The following USP8 variants were observed in gnomAD, a reference collection of about 807,000 sequenced individuals.
The protein encoded by USP8 is ubiquitin specific peptidase 8.
USP8 carries 27 observed loss-of-function variants against 130.0 expected under a neutral mutation model. The observed-to-expected ratio is 0.21, with a 90% confidence interval of 0.15 to 0.29. The LOEUF is 0.29. Among genes scored for constraint, USP8 ranks in the 10% least tolerant of loss-of-function variants. USP8 has a pLI of 1.00. For synonymous variants in USP8, 392 were observed against 444.1 expected (o/e 0.88, Z 1.48); for missense variants, 1,029 against 1,312.2 (o/e 0.78, Z 3.33).
Position 50,424,444 on chromosome 15 carries a change from C to G in USP8, c.-136C>G, listed in dbSNP as rs568898757. 1.1e-4 allele frequency: 45 copies of G among 398,710 alleles called. No homozygotes were observed. The highest frequency in any genetic ancestry group is 1.9e-4 in the Non-Finnish European group (42 of 226,116). 24.7% of individuals were successfully genotyped at this position (398,710 alleles called of 1,614,324 possible). ...TCCGTCCTGGTAGCCAAGGCTAATT[C>G]TCCCTCGAGTTCTTGGGAGATGGGC... On this transcript the variant is annotated 5_prime_UTR_variant, in exon 1 of 20. Coordinates refer to ENST00000307179, the MANE Select transcript of USP8 (RefSeq NM_005154.5).
At chr15:50,493,105 CT>C in intron 15 of USP8, 192 bp downstream of exon 15, 1 of 679,048 alleles carries the variant, frequency 1.5e-6, no homozygotes, top group Non-Finnish European at 2.6e-6. Flanking sequence ...ATCTGGTGCG[CT>C]TTTTTGCTGC....
chr15:50,475,560 T>TACACAC (rs1168994433), intron 8 of USP8, among the ~76,000 whole-genome samples: 1 of 148,660 alleles, frequency 6.7e-6, no homozygotes, highest in Non-Finnish European at 1.5e-5. Context: ...CATGTATATA[T>TACACAC]ACACACACAT....
At chr15:50,425,985 G>A (rs933331456) in intron 1 of USP8, among the ~76,000 whole-genome samples, 2 of 152,170 alleles carry the variant, frequency 1.3e-5, no homozygotes, top group African/African-American at 4.8e-5. Flanking sequence ...GCTGGGCGTG[G>A]TGGTGCACGC....
At chr15:50,463,854 A>G (rs1237526554) in intron 6 of USP8, among the ~76,000 whole-genome samples, 2 of 152,226 alleles carry the variant, frequency 1.3e-5, no homozygotes, top group East Asian at 3.8e-4. Flanking sequence ...CTTTCACTTC[A>G]GTAGAGCTAA....
intron 3 of USP8, among the ~76,000 whole-genome samples, chr15:50,446,323 A>G (rs767440702): frequency 2.6e-5 from 4 of 152,154 alleles, no homozygotes; most frequent in Non-Finnish European, 4.4e-5. Flanking sequence ...AGGAAATCTC[A>G]CTAATATTAG....
rs377754623 is a variant in USP8, at chr15:50,434,434, CTT to C, written c.-65-4572_-65-4571del. ...TCTCTTTGTTAACTCATTTTCAACA[CTT>C]TTGGATTTCACTTTTGGAGCACTGC... On this transcript the variant is annotated intron_variant, in intron 1 of 19. Coordinates refer to ENST00000307179, the MANE Select transcript of USP8 (RefSeq NM_005154.5). Among the ~76,000 whole-genome samples the C allele has an allele frequency of 2.0e-4, 30 of 151,930 alleles. No homozygotes were observed. In the East Asian group the frequency reaches 5.5e-3, roughly 28 times the overall value.
At chr15:50,493,093 G>C (rs1457918050) in intron 15 of USP8, 180 bp downstream of exon 15, 1 of 708,596 alleles carries the variant, frequency 1.4e-6, no homozygotes, top group East Asian at 2.9e-5. Flanking sequence ...CTAGGTGCCG[G>C]CATCTGGTGC....
intron 10 of USP8, among the ~76,000 whole-genome samples, chr15:50,478,946 T>G (rs998834491): frequency 6.6e-6 from 1 of 151,936 alleles, no homozygotes; most frequent in Non-Finnish European, 1.5e-5. Flanking sequence ...TCCCAGCTAC[T>G]CAGGAGGCTG....
intron 3 of USP8, 100 bp downstream of exon 3, chr15:50,441,593 A>G: frequency 7.1e-6 from 7 of 980,072 alleles, no homozygotes; most frequent in South Asian, 1.8e-5. Flanking sequence ...ATGTAGCTCA[A>G]ATTATATGCA....
chr15:50,437,850 GGACCCA>G (rs2050135537), intron 1 of USP8, among the ~76,000 whole-genome samples: 1 of 152,220 alleles, frequency 6.6e-6, no homozygotes, highest in Non-Finnish European at 1.5e-5. Flanking sequence ...TTTAGACACA[GGACCCA>G]GGGTGGATGG....
chr15:50,497,339 G>GCGATTATCTGGTTA, intron 18 of USP8, 108 bp downstream of exon 18: 1 of 1,357,148 alleles, frequency 7.4e-7, no homozygotes. Context: ...ATAACAAAGG[G>GCGATTATCTGGTTA]CGATTATCTG....
chr15:50,482,968 G>A (rs958167046), intron 11 of USP8, among the ~76,000 whole-genome samples: 4 of 152,094 alleles, frequency 2.6e-5, no homozygotes, highest in Non-Finnish European at 5.9e-5. Context: ...AAAAAAGATA[G>A]CTTCCATCCA....
In USP8 at chr15:50,459,996, C is replaced by CT. The variant is rs1555386693; in HGVS notation, c.498+852dup. Among the ~76,000 whole-genome samples, 771 of 92,008 alleles carry CT rather than the reference C, an allele frequency of 8.4e-3. 6 individuals carry two copies. Among genetic ancestry groups the CT allele is most frequent in the African/African-American group, 0.013 (296 of 22,974 alleles). The allele number at this position is 92,008 out of a possible 152,430, so 60.4% of individuals were successfully genotyped here. ...CTCCCCCAGTTCCCCCACCCCCCCC[C>CT]TTTTTTTTTTTTTTTTTTGAGACAG... On this transcript the variant is annotated intron_variant, in intron 5 of 19. Transcript: ENST00000307179.
intron 3 of USP8, among the ~76,000 whole-genome samples, chr15:50,446,267 T>G (rs1213017842): frequency 6.6e-6 from 1 of 152,210 alleles, no homozygotes; most frequent in Non-Finnish European, 1.5e-5. Flanking sequence ...GTATTTATAT[T>G]TACTTTAACT....
At chr15:50,475,481 C>G (rs893744099) in intron 8 of USP8, among the ~76,000 whole-genome samples, 7 of 151,990 alleles carry the variant, frequency 4.6e-5, no homozygotes, top group African/African-American at 1.7e-4. Context: ...TTCTGAAGGG[C>G]AACTGGGCAT....
chr15:50,427,542 A>G (rs2049778889), intron 1 of USP8, among the ~76,000 whole-genome samples: 1 of 150,458 alleles, frequency 6.6e-6, no homozygotes, highest in South Asian at 2.1e-4. Flanking sequence ...GGAATTCTAC[A>G]TTTATAGCCG....
Position 50,504,068 on chromosome 15 carries a change from AATGTG to A in USP8, c.*4984_*4988del, listed in dbSNP as rs1480459906. 3.3e-5 allele frequency: 5 copies of A among 152,222 alleles called. No individual in the cohort carries two copies. Among genetic ancestry groups the A allele is most frequent in the South Asian group, 2.1e-4 (1 of 4,832 alleles). The allele number at this position is 152,222 out of a possible 1,614,324, so 9.4% of individuals were successfully genotyped here. ...GGGCTCTGCATCTTCAGAATCAACT[AATGTG>A]ATGGGAAAGATTTGAAAAAATAATA... On this transcript the variant is annotated 3_prime_UTR_variant, in exon 20 of 20. Transcript: ENST00000307179.
At chr15:50,439,914 C>T (rs1283223779) in intron 2 of USP8, among the ~76,000 whole-genome samples, 2 of 151,810 alleles carry the variant, frequency 1.3e-5, no homozygotes, top group African/African-American at 4.8e-5. Context: ...ATGGTGAAAC[C>T]CCGTCTCTAC....
In USP8 at chr15:50,497,162, C is replaced by T. The variant is rs1186609591; in HGVS notation, c.2969C>T (p.Ala990Val). The change falls in exon 18 of 20, where the codon GCT becomes GTT. Residue 990 changes from alanine (A) to valine (V), a missense_variant. Physicochemically the swap from Ala to Val is moderately conservative, Grantham distance 64. This residue lies in a region of USP8 where 257 missense variants were observed against 429.8 expected (regional missense o/e 0.60). Coordinates refer to ENST00000307179, the MANE Select transcript of USP8 (RefSeq NM_005154.5). ...AGATTTTACTGCAGTCATTGCAGAG[C>T]TCGACGGGATTCTCTAAAAAAGATA... ...NNRFYCSHCRARRDSLKKIEI... is the reference protein window; with the variant it reads ...NNRFYCSHCRVRRDSLKKIEI... 1 of 1,610,798 alleles carries T rather than the reference C, an allele frequency of 6.2e-7. No homozygotes were observed. The highest frequency in any genetic ancestry group is 8.5e-7 in the Non-Finnish European group (1 of 1,178,704).
Sources: gnomAD v4.1 joint callset for allele counts (sites outside exome capture counted in the v4.1 genomes callset) on GRCh38, gnomAD v4.1.1 for gene constraint, gnomAD v4.1.1 regional missense constraint, MANE v1.5 for transcripts, NCBI Gene and HGNC (gene_info 2026-07-23, HGNC 2026-07-21) for gene names.